HERC2: variants seen among roughly 807,000 people sequenced by gnomAD.
The protein encoded by HERC2 is HECT and RLD domain containing E3 ubiquitin protein ligase 2, also known as E3 ubiquitin-protein ligase HERC2.
HERC2 carries 102 observed loss-of-function variants against 537.7 expected under a neutral mutation model. The observed-to-expected ratio is 0.19, with a 90% CI of 0.16 to 0.22. The LOEUF is 0.22. Among genes scored for constraint, HERC2 ranks in the 10% least tolerant of loss-of-function variants. The probability of loss-of-function intolerance (pLI) is 1.00; values close to 1 mark genes in which losing one functional copy is unlikely to be tolerated. For missense variants in HERC2, 4,236 were observed against 6,198.2 expected (o/e 0.68, Z 10.63); for synonymous variants, 2,224 against 2,466.2 (o/e 0.90, Z 2.91).
intron 19 of HERC2, 85 bp downstream of exon 19, chr15:28,255,787 T>A: frequency 7.2e-7 from 1 of 1,391,654 alleles, no homozygotes; most frequent in Non-Finnish European, 9.7e-7. Context: ...AGAGTTTTAC[T>A]GTTTTCAGTT....
Position 28,238,027 on chromosome 15 carries a change from G to A in HERC2, c.3852+87C>T, listed in dbSNP as rs1596303441. 3 of 881,284 alleles carry A rather than the reference G, an allele frequency of 3.4e-6. No individual in the cohort carries two copies. The East Asian group carries it at 7.2e-5, about 21-fold the overall frequency. 54.6% of individuals were successfully genotyped at this position (881,284 alleles called of 1,614,324 possible). ...TGCCCCACAAAAGACCCAGATATCA[G>A]TACTTCTAGATCCAAATATTCCTAT... On this transcript the variant is annotated intron_variant, in intron 25 of 92. Coordinates refer to ENST00000261609, the MANE Select transcript of HERC2 (RefSeq NM_004667.6).
At chr15:28,250,519 T>G (rs1315208284) in intron 20 of HERC2, among the ~76,000 whole-genome samples, 1 of 152,254 alleles carries the variant, frequency 6.6e-6, no homozygotes, top group Non-Finnish European at 1.5e-5. Context: ...TGGGGTTCAC[T>G]ACTTATAAAA....
chr15:28,112,197 A>C lies in HERC2; in HGVS notation c.14233-162T>G, dbSNP rs377143417. Among the ~76,000 whole-genome samples the C allele has an allele frequency of 3.9e-5, 6 of 152,348 alleles. No individual in the cohort carries two copies. In the East Asian group the frequency reaches 9.7e-4, roughly 25 times the overall value. Reference sequence around the variant, plus strand: ...CTTTAGGAGTAACGAGGAGCAATTAATTCCTAGAACTTGGAGTAAGAAACA... The same window carrying C: ...CTTTAGGAGTAACGAGGAGCAATTACTTCCTAGAACTTGGAGTAAGAAACA... On this transcript the variant is annotated intron_variant, in intron 92 of 92. Coordinates refer to ENST00000261609, the MANE Select transcript of HERC2 (RefSeq NM_004667.6).
chr15:28,138,676 A>G (rs1890893619), intron 78 of HERC2, among the ~76,000 whole-genome samples: 1 of 152,256 alleles, frequency 6.6e-6, no homozygotes, highest in Non-Finnish European at 1.5e-5. Flanking sequence ...AAGAGATTAA[A>G]GTTGTTTTCA....
chr15:28,308,955 G>C (rs552165251), intron 2 of HERC2, among the ~76,000 whole-genome samples: 1 of 152,312 alleles, frequency 6.6e-6, no homozygotes, highest in South Asian at 2.1e-4. Context: ...CTAGTATTTT[G>C]TTGAGGATAT....
At chr15:28,217,096 G>A (rs140964368) in intron 38 of HERC2, among the ~76,000 whole-genome samples, 190 of 152,054 alleles carry the variant, frequency 1.2e-3, no homozygotes, top group Middle Eastern at 6.8e-3. Context: ...GCACTCAATC[G>A]CACACTTACA....
intron 30 of HERC2, among the ~76,000 whole-genome samples, chr15:28,231,830 T>A (rs1901883131): frequency 1.4e-5 from 2 of 142,894 alleles, no homozygotes; most frequent in African/African-American, 6.2e-5. Flanking sequence ...TTCAAGTTAC[T>A]TAATTTCCAA....
chr15:28,258,166 ATACT>A (rs1331737286), intron 16 of HERC2, among the ~76,000 whole-genome samples: 4 of 152,140 alleles, frequency 2.6e-5, no homozygotes, highest in Non-Finnish European at 5.9e-5. Context: ...ATTAAACAAC[ATACT>A]TAATAATCCA....
At chr15:28,183,183 C>A (rs748542231) in intron 56 of HERC2, among the ~76,000 whole-genome samples, 1 of 152,140 alleles carries the variant, frequency 6.6e-6, no homozygotes, top group Admixed American at 6.5e-5. Context: ...TATCTCCTGA[C>A]CTGCCCTCAA....
chr15:28,246,014 A>G lies in HERC2; in HGVS notation c.3444T>C (p.Asn1148=). The change falls in exon 23 of 93, where the codon AAT becomes AAC. Residue 1148 remains asparagine, a synonymous_variant. Coordinates refer to ENST00000261609, the MANE Select transcript of HERC2 (RefSeq NM_004667.6). The part of the protein sequence containing the change: ...VVSIVLLLSK[N]AGLMQEAGAV... The stretch of plus-strand genomic sequence containing the variant: ...CTCCAGCCTCTTGCATGAGACCAGC[A>G]TTTTTACTGAGCAGAAGCACTATAG... 6.2e-7 allele frequency: 1 copy of G among 1,613,914 alleles called. No homozygotes were observed.
intron 70 of HERC2, among the ~76,000 whole-genome samples, chr15:28,149,733 C>T (rs1430317726): frequency 1.3e-5 from 2 of 151,818 alleles, no homozygotes; most frequent in Non-Finnish European, 2.9e-5. Context: ...GTAAAATTAC[C>T]GAAAAAACAC....
intron 2 of HERC2, among the ~76,000 whole-genome samples, chr15:28,317,684 A>G (rs1243048433): frequency 4.6e-5 from 7 of 152,222 alleles, no homozygotes; most frequent in South Asian, 2.1e-4. Context: ...ACATCTTTGT[A>G]GTGATGAAAC....
At position 28,238,682 on chromosome 15, in the gene HERC2, CCTCCAT is replaced by C; in HGVS notation, c.3662_3667del (p.Asp1221_Gly1222del). The C allele has an allele frequency of 6.2e-7, 1 of 1,611,194 alleles. No homozygotes were observed. Among genetic ancestry groups the C allele is most frequent in the Non-Finnish European group, 8.5e-7 (1 of 1,179,156 alleles). On this transcript the variant is annotated inframe_deletion, in exon 24 of 93. Transcript: ENST00000261609. ...CTTCCCGTCAATCACAGTCCAGAAGCCTCCATCTTTATTATGGTTCTCCAAATCAGC... is the reference window on the plus strand; with the variant it reads ...CTTCCCGTCAATCACAGTCCAGAAGCCTTTATTATGGTTCTCCAAATCAGC...
chr15:28,118,089 A>C, intron 86 of HERC2: 1 of 170,594 alleles, frequency 5.9e-6, no homozygotes, highest in Non-Finnish European at 1.3e-5. Flanking sequence ...GAATGACAGG[A>C]GCCACAGTTG....
Position 28,113,765 on chromosome 15 carries a change from G to A in HERC2, c.13914-87C>T. The A allele has an allele frequency of 9.5e-7, 1 of 1,047,624 alleles. No individual in the cohort carries two copies. The highest frequency in any genetic ancestry group is 1.3e-5 in the South Asian group (1 of 74,700). The allele number at this position is 1,047,624 out of a possible 1,614,324, so 64.9% of individuals were successfully genotyped here. ...ACCAAGCCTTGGCATGCAGCACTGT[G>A]GCCGCACACGTCCCAGCTGGGAGAA... On this transcript the variant is annotated intron_variant, in intron 90 of 92. Transcript: ENST00000261609. The surrounding 1 kb of genome is among the most constrained non-coding windows in gnomAD (Gnocchi z 7.0).
chr15:28,232,082 C>G (rs910618735), intron 30 of HERC2, among the ~76,000 whole-genome samples: 1 of 152,180 alleles, frequency 6.6e-6, no homozygotes, highest in Non-Finnish European at 1.5e-5. Context: ...CCCTCGCATT[C>G]AGACAGGCTG....
intron 20 of HERC2, 55 bp downstream of exon 20, chr15:28,254,285 A>C (rs2075181769): frequency 7.6e-7 from 1 of 1,311,768 alleles, no homozygotes; most frequent in Non-Finnish European, 1.0e-6. Context: ...TCTGTCACAC[A>C]CACAAAAAAA....
Position 28,176,811 on chromosome 15 carries a change from GGA to G in HERC2, c.9433-45_9433-44del, listed in dbSNP as rs1179073693. The G allele has an allele frequency of 6.3e-7, 1 of 1,596,806 alleles. No homozygotes were observed. The highest frequency in any genetic ancestry group is 8.6e-7 in the Non-Finnish European group (1 of 1,166,788). The stretch of plus-strand genomic sequence containing the variant: ...TAAAAACAGAATCACGCACAGGCAC[GGA>G]GAAAGCAATGGATTTTCCCACAGAT... On this transcript the variant is annotated intron_variant, in intron 61 of 92. Transcript: ENST00000261609. This position sits in a 1 kb window ranked among gnomAD's most constrained non-coding sequence, Gnocchi z 5.0.
intron 44 of HERC2, among the ~76,000 whole-genome samples, chr15:28,208,199 C>A (rs1270707820): frequency 6.6e-6 from 1 of 152,152 alleles, no homozygotes; most frequent in East Asian, 1.9e-4. Flanking sequence ...TCATAACATC[C>A]TCTCCTCTTA....
Sources: gnomAD v4.1 joint callset for allele counts (sites outside exome capture counted in the v4.1 genomes callset) on GRCh38, gnomAD v4.1.1 for gene constraint, Gnocchi (gnomAD v3.1) non-coding constraint, MANE v1.5 for transcripts, NCBI Gene and HGNC (gene_info 2026-07-23, HGNC 2026-07-21) for gene names.